Variants in SDK1 observed in about 807,000 individuals in gnomAD.
SDK1 encodes the protein sidekick cell adhesion molecule 1.
In SDK1, 157 loss-of-function variants were observed where a neutral mutation model predicts 245.5. That is an observed-to-expected ratio of 0.64 (90% CI 0.56 to 0.73). SDK1 has a LOEUF of 0.73. Among genes scored for constraint, SDK1 ranks in the 30% least tolerant of loss-of-function variants. The pLI is 0.00. For missense variants in SDK1, 3,583 were observed against 3,002.3 expected (o/e 1.19, Z -4.52); for synonymous variants, 1,647 against 1,278.5 (o/e 1.29, Z -6.15).
chr7:3,612,066 T>C (rs1255599621), intron 1 of SDK1, among the ~76,000 whole-genome samples: 6 of 152,074 alleles, frequency 3.9e-5, no homozygotes. Context: ...CTAAGAATGA[T>C]ACAATGGACT....
chr7:4,008,203 C>T (rs1403717229), intron 14 of SDK1, among the ~76,000 whole-genome samples: 8 of 152,200 alleles, frequency 5.3e-5, no homozygotes, highest in South Asian at 4.1e-4. Context: ...ATCCATGTTC[C>T]GCCATGTGTC....
chr7:3,996,606 C>G lies in SDK1; in HGVS notation c.2131+9284C>G, dbSNP rs6972765. 3.4e-3 allele frequency among the ~76,000 whole-genome samples: 517 copies of G among 152,264 alleles called. 4 individuals carry two copies. Among genetic ancestry groups the G allele is most frequent in the African/African-American group, 0.012 (492 of 41,564 alleles). On this transcript the variant is annotated intron_variant, in intron 14 of 44. Coordinates refer to ENST00000404826, the MANE Select transcript of SDK1 (RefSeq NM_152744.4). ...GTCCTGAGATTTTGACTCATTGCTA[C>G]TGTAAATAGCAATTTTTCCCCATTT...
chr7:4,143,142 T>C (rs1779695805), intron 28 of SDK1, among the ~76,000 whole-genome samples: 1 of 152,166 alleles, frequency 6.6e-6, no homozygotes, highest in Non-Finnish European at 1.5e-5. Context: ...CCATGTCTGT[T>C]CTGGGCCCCT....
At chr7:3,667,572 C>T (rs1783573172) in intron 4 of SDK1, among the ~76,000 whole-genome samples, 1 of 152,186 alleles carries the variant, frequency 6.6e-6, no homozygotes, top group African/African-American at 2.4e-5. Context: ...TCTATCACCG[C>T]CCAAATTCTC....
intron 5 of SDK1, among the ~76,000 whole-genome samples, chr7:3,947,749 T>A (rs1032028869): frequency 3.3e-5 from 5 of 151,970 alleles, no homozygotes; most frequent in African/African-American, 1.2e-4. Context: ...GTAAAAATCC[T>A]GTTTGAAAGT....
At chr7:3,909,198 C>T (rs376538318) in intron 5 of SDK1, among the ~76,000 whole-genome samples, 1 of 152,232 alleles carries the variant, frequency 6.6e-6, no homozygotes, top group African/African-American at 2.4e-5. Context: ...CCCTCATCCT[C>T]TACTCCATCA....
At chr7:4,128,191 G>A (rs1313435439) in intron 26 of SDK1, among the ~76,000 whole-genome samples, 1 of 152,136 alleles carries the variant, frequency 6.6e-6, no homozygotes, top group African/African-American at 2.4e-5. Context: ...CCCGGCCAGC[G>A]AGGCCACGCT....
In SDK1 at chr7:4,265,315, G is replaced by C. The variant is rs749384357; in HGVS notation, c.6573G>C (p.Ala2191=). ...QLHPVITTQS[A]GGVYTPAGPG... ...ACCCGGTCATCACCACGCAGAGCGC[G>C]GGCGGCGTCTACACCCCCGCTGGCC... is the stretch of plus-strand genomic sequence containing the variant. Residue 2191 remains alanine (A), a synonymous_variant, in exon 45 of 45, where the codon GCG becomes GCC. Coordinates refer to ENST00000404826, the MANE Select transcript of SDK1 (RefSeq NM_152744.4). 76 of 1,548,454 alleles carry C rather than the reference G, an allele frequency of 4.9e-5. No individual in the cohort carries two copies. The highest frequency in any genetic ancestry group is 3.3e-4 in the African/African-American group (24 of 73,034).
chr7:4,215,009 T>C (rs111702317), intron 38 of SDK1, among the ~76,000 whole-genome samples: 8,658 of 152,266 alleles, frequency 0.057, 324 homozygotes, highest in South Asian at 0.088. Context: ...GTGGACCTCA[T>C]GGCTGCCTGG....
At chr7:3,373,170 A>G (rs1033326030) in intron 1 of SDK1, among the ~76,000 whole-genome samples, 1 of 152,342 alleles carries the variant, frequency 6.6e-6, no homozygotes, top group African/African-American at 2.4e-5. Flanking sequence ...AACCTACTGA[A>G]CATCATAGCC....
At chr7:3,514,999 T>C (rs1782697067) in intron 1 of SDK1, among the ~76,000 whole-genome samples, 1 of 152,218 alleles carries the variant, frequency 6.6e-6, no homozygotes, top group South Asian at 2.1e-4. Flanking sequence ...ATGTAAAGTT[T>C]TCATAATGAG....
chr7:3,315,012 G>C (rs1421909530), intron 1 of SDK1, among the ~76,000 whole-genome samples: 1 of 152,078 alleles, frequency 6.6e-6, no homozygotes, highest in Non-Finnish European at 1.5e-5. Context: ...TAGGGAGCAA[G>C]CTGGGTTGGC....
chr7:3,799,905 A>G (rs986260824), intron 4 of SDK1, among the ~76,000 whole-genome samples: 11 of 152,024 alleles, frequency 7.2e-5, no homozygotes, highest in Non-Finnish European at 1.3e-4. Context: ...AATTTATTCT[A>G]TGCTTTTCTT....
chr7:3,834,619 T>C (rs1427972379), intron 5 of SDK1, among the ~76,000 whole-genome samples: 1 of 152,194 alleles, frequency 6.6e-6, no homozygotes, highest in Non-Finnish European at 1.5e-5. Flanking sequence ...TTTCATTTGC[T>C]CCCTTGTTAT....
chr7:4,257,677 G>A lies in SDK1; in HGVS notation c.6382-7447G>A, dbSNP rs531828926. 2.0e-5 allele frequency among the ~76,000 whole-genome samples: 3 copies of A among 152,288 alleles called. No individual in the cohort carries two copies. In the East Asian group the frequency reaches 5.8e-4, roughly 29 times the overall value. On this transcript the variant is annotated intron_variant, in intron 44 of 44. Coordinates refer to ENST00000404826, the MANE Select transcript of SDK1 (RefSeq NM_152744.4). ...TAGCAAGAAGGAAAAGCCTCTTGGA[G>A]CCTCGTGTCTCTGCTTCTTTCTGTA...
chr7:3,326,207 C>T (rs1440933698), intron 1 of SDK1, among the ~76,000 whole-genome samples: 2 of 152,038 alleles, frequency 1.3e-5, no homozygotes, highest in Admixed American at 6.6e-5. Context: ...CCTTTTCCCT[C>T]GAGATAACCG....
chr7:3,575,057 C>G (rs780828963), intron 1 of SDK1, among the ~76,000 whole-genome samples: 4 of 152,010 alleles, frequency 2.6e-5, no homozygotes, highest in Non-Finnish European at 5.9e-5. Flanking sequence ...CCTCCTTTGC[C>G]TCTTACAAGA....
At chr7:3,771,816 C>T (rs1484598999) in intron 4 of SDK1, among the ~76,000 whole-genome samples, 4 of 152,148 alleles carry the variant, frequency 2.6e-5, no homozygotes, top group East Asian at 1.9e-4. Context: ...CCATTGAGTA[C>T]GTTCATATTG....
chr7:3,404,751 C>G (rs1269730065), intron 1 of SDK1, among the ~76,000 whole-genome samples: 1 of 152,118 alleles, frequency 6.6e-6, no homozygotes, highest in Non-Finnish European at 1.5e-5. Context: ...ATATGGGAGG[C>G]TTTTAAATGC....
Sources: gnomAD v4.1 joint callset for allele counts (sites outside exome capture counted in the v4.1 genomes callset) on GRCh38, gnomAD v4.1.1 for gene constraint, MANE v1.5 for transcripts, NCBI Gene and HGNC (gene_info 2026-07-23, HGNC 2026-07-21) for gene names.